CACNA2D3: variants seen among roughly 807,000 people sequenced by gnomAD.
CACNA2D3 encodes the protein calcium voltage-gated channel auxiliary subunit alpha2delta 3.
CACNA2D3 carries 60 observed loss-of-function variants against 160.6 expected under a neutral mutation model. The ratio of observed to expected loss-of-function variants is 0.37; its 90% CI spans 0.30 to 0.46. The LOEUF is 0.46. Among genes scored for constraint, CACNA2D3 ranks in the 20% least tolerant of loss-of-function variants. The pLI is 1.00. For missense variants in CACNA2D3, 1,205 were observed against 1,365.0 expected (o/e 0.88, Z 1.85); for synonymous variants, 558 against 492.9 (o/e 1.13, Z -1.75).
chr3:54,972,967 C>T (rs1032359989), intron 29 of CACNA2D3, among the ~76,000 whole-genome samples: 6 of 152,140 alleles, frequency 3.9e-5, no homozygotes, highest in African/African-American at 1.4e-4. Flanking sequence ...TCAGAAAAGG[C>T]CCTGCTCTCC....
Position 54,764,307 on chromosome 3 carries a change from C to CAGG in CACNA2D3, c.1339_1341dup (p.Glu447dup), listed in dbSNP as rs1489527956. 1.2e-6 allele frequency: 2 copies of CAGG among 1,613,812 alleles called. No individual in the cohort carries two copies. Among genetic ancestry groups the CAGG allele is most frequent in the Non-Finnish European group, 1.7e-6 (2 of 1,179,822 alleles). ...GCTTAGCCGGCCCAAAGTCATCGACCAGGAGCATGATGTGGTGTGGACCGA... is the reference window on the plus strand; with the variant it reads ...GCTTAGCCGGCCCAAAGTCATCGACCAGGAGGAGCATGATGTGGTGTGGACCGA... On this transcript the variant is annotated inframe_insertion, in exon 13 of 38. Transcript: ENST00000474759.
At chr3:54,214,984 G>T (rs1200541774) in intron 2 of CACNA2D3, among the ~76,000 whole-genome samples, 1 of 152,100 alleles carries the variant, frequency 6.6e-6, no homozygotes, top group Non-Finnish European at 1.5e-5. Flanking sequence ...CCAGAGTAGG[G>T]GTCCTCAGAT....
At chr3:55,008,886 T>TACAC (rs1491125549) in intron 33 of CACNA2D3, among the ~76,000 whole-genome samples, 13 of 53,352 alleles carry the variant, frequency 2.4e-4, no homozygotes, top group African/African-American at 8.2e-4. Context: ...CACCTCCCTC[T>TACAC]ATACACACAC....
At chr3:54,200,776 A>G (rs1317492624) in intron 2 of CACNA2D3, among the ~76,000 whole-genome samples, 1 of 152,218 alleles carries the variant, frequency 6.6e-6, no homozygotes, top group African/African-American at 2.4e-5. Context: ...TTAGGATTGA[A>G]TAGCTTTGAG....
intron 4 of CACNA2D3, among the ~76,000 whole-genome samples, chr3:54,406,534 T>C (rs1363079887): frequency 6.6e-6 from 1 of 152,124 alleles, no homozygotes; most frequent in Non-Finnish European, 1.5e-5. Flanking sequence ...GAGGACATTA[T>C]GCTAAGTGAA....
In CACNA2D3 at chr3:54,299,872, G is replaced by A. The variant is rs79946266; in HGVS notation, c.205-20570G>A. Among the ~76,000 whole-genome samples the A allele has an allele frequency of 1.2e-3, 183 of 152,304 alleles. 7 individuals are homozygous for A. In the East Asian group the frequency reaches 0.033, roughly 28 times the overall value. On this transcript the variant is annotated intron_variant, in intron 2 of 37. Coordinates refer to ENST00000474759, the MANE Select transcript of CACNA2D3 (RefSeq NM_018398.3). ...TATTTGGTAATTGAAACCTGTAAGC[G>A]TTTTGTTGCTGGTTTTTACCCAGTG...
intron 9 of CACNA2D3, among the ~76,000 whole-genome samples, chr3:54,591,567 G>GCT (rs538008788): frequency 8.2e-6 from 1 of 121,374 alleles, no homozygotes; most frequent in African/African-American, 3.1e-5. Context: ...GTTGAAAAAA[G>GCT]TTTTTTTTTT....
intron 11 of CACNA2D3, among the ~76,000 whole-genome samples, chr3:54,681,058 A>G (rs148486666): frequency 2.0e-5 from 3 of 152,206 alleles, no homozygotes; most frequent in Non-Finnish European, 4.4e-5. Context: ...TTTTTTCCCT[A>G]AAATCTGATG....
At chr3:54,522,604 C>G (rs995084458) in intron 5 of CACNA2D3, among the ~76,000 whole-genome samples, 1 of 152,132 alleles carries the variant, frequency 6.6e-6, no homozygotes, top group Non-Finnish European at 1.5e-5. Flanking sequence ...GTTCCAGAGA[C>G]TGGGAAGTCC....
In CACNA2D3 at chr3:54,744,350, G is replaced by T. The variant is rs559841144; in HGVS notation, c.1168-8249G>T. Reference sequence around the variant, plus strand: ...TTATAAGACAAGGGTTCTTAACCTGGGAGCCAGATGTTCTTAGACAGTCCT... The same window carrying T: ...TTATAAGACAAGGGTTCTTAACCTGTGAGCCAGATGTTCTTAGACAGTCCT... On this transcript the variant is annotated intron_variant, in intron 11 of 37. Coordinates refer to ENST00000474759, the MANE Select transcript of CACNA2D3 (RefSeq NM_018398.3). 2.0e-5 allele frequency among the ~76,000 whole-genome samples: 3 copies of T among 152,258 alleles called. No homozygotes were observed. The South Asian group carries it at 6.2e-4, about 32-fold the overall frequency.
At chr3:54,253,189 G>A (rs1702229387) in intron 2 of CACNA2D3, among the ~76,000 whole-genome samples, 3 of 150,210 alleles carry the variant, frequency 2.0e-5, no homozygotes, top group African/African-American at 7.4e-5. Context: ...GTCTTGTGGT[G>A]TTAATTCTTT....
At chr3:54,888,965 G>T (rs974570478) in intron 24 of CACNA2D3, among the ~76,000 whole-genome samples, 3 of 152,184 alleles carry the variant, frequency 2.0e-5, no homozygotes, top group Non-Finnish European at 4.4e-5. Context: ...TAACTGCTTT[G>T]AAGGAAAAGT....
At chr3:55,042,324 T>C (rs1251428563) in intron 35 of CACNA2D3, among the ~76,000 whole-genome samples, 1 of 152,150 alleles carries the variant, frequency 6.6e-6, no homozygotes, top group Non-Finnish European at 1.5e-5. Flanking sequence ...TTTGAAATCC[T>C]GTTATTATGT....
At chr3:54,385,816 A>G (rs180784986) in intron 3 of CACNA2D3, 106 of 431,956 alleles carry the variant, frequency 2.5e-4, no homozygotes, top group Non-Finnish European at 1.6e-4. Flanking sequence ...AAGACAGCAT[A>G]GGATACAAGA....
intron 2 of CACNA2D3, among the ~76,000 whole-genome samples, chr3:54,202,549 G>A (rs970326689): frequency 1.2e-4 from 18 of 152,176 alleles, no homozygotes; most frequent in Admixed American, 2.6e-4. Flanking sequence ...TTAGGGAGAG[G>A]AGAGAAGTGC....
chr3:54,417,767 T>C lies in CACNA2D3; in HGVS notation c.381+30993T>C, dbSNP rs917973908. 2.9e-5 allele frequency among the ~76,000 whole-genome samples: 4 copies of C among 137,978 alleles called. No homozygotes were observed. The Admixed American group carries it at 3.1e-4, about 11-fold the overall frequency. The allele number at this position is 137,978 out of a possible 152,430, so 90.5% of individuals were successfully genotyped here. On this transcript the variant is annotated intron_variant, in intron 4 of 37. Transcript: ENST00000474759. ...TTTAGATGACAGGGGTTCATGTTTG[T>C]TGTGGTGTGTGTGTGTATCTGTGTG...
At chr3:54,813,732 A>G (rs1236520803) in intron 13 of CACNA2D3, among the ~76,000 whole-genome samples, 1 of 152,192 alleles carries the variant, frequency 6.6e-6, no homozygotes. Flanking sequence ...GTGACCTAGC[A>G]GGATAGAAAG....
At chr3:54,879,800 A>G (rs1305479740) in intron 20 of CACNA2D3, among the ~76,000 whole-genome samples, 2 of 152,194 alleles carry the variant, frequency 1.3e-5, no homozygotes, top group Non-Finnish European at 2.9e-5. Context: ...TGGAGGTGGC[A>G]TATCCATTCC....
At chr3:54,463,517 A>C (rs1429264160) in intron 4 of CACNA2D3, among the ~76,000 whole-genome samples, 2 of 151,846 alleles carry the variant, frequency 1.3e-5, no homozygotes, top group Non-Finnish European at 2.9e-5. Flanking sequence ...GCTTCATTTC[A>C]TTCATTTCAT....
Sources: gnomAD v4.1 joint callset for allele counts (sites outside exome capture counted in the v4.1 genomes callset) on GRCh38, gnomAD v4.1.1 for gene constraint, MANE v1.5 for transcripts, NCBI Gene and HGNC (gene_info 2026-07-23, HGNC 2026-07-21) for gene names.